Variants in EPHA7 observed in about 807,000 individuals in gnomAD.
EPHA7 encodes EPH receptor A7.
In EPHA7, 25 loss-of-function variants were observed where a neutral mutation model predicts 112.6. That is an observed-to-expected ratio of 0.22 (90% confidence interval 0.16 to 0.31). The LOEUF is 0.31. Ranked by LOEUF, EPHA7 falls within the 10% of genes least tolerant of loss-of-function variation. The probability of loss-of-function intolerance (pLI) is 1.00; values close to 1 mark genes in which losing one functional copy is unlikely to be tolerated. For synonymous variants in EPHA7, 437 were observed against 406.5 expected (o/e 1.07, Z -0.90); for missense variants, 962 against 1,212.6 (o/e 0.79, Z 3.07).
chr6:93,378,320 T>G (rs1777162127), intron 3 of EPHA7, among the ~76,000 whole-genome samples: 1 of 152,026 alleles, frequency 6.6e-6, no homozygotes, highest in African/African-American at 2.4e-5. Flanking sequence ...GAAGGGATTT[T>G]AAAAGATAGT....
intron 3 of EPHA7, among the ~76,000 whole-genome samples, chr6:93,374,903 T>C (rs961184058): frequency 6.6e-6 from 1 of 152,190 alleles, no homozygotes; most frequent in Non-Finnish European, 1.5e-5. Flanking sequence ...ATAATTATTA[T>C]AACATAGTGA....
chr6:93,366,337 T>A (rs183416911), intron 3 of EPHA7, among the ~76,000 whole-genome samples: 1 of 152,316 alleles, frequency 6.6e-6, no homozygotes, highest in Admixed American at 6.5e-5. Flanking sequence ...CACATTAGGC[T>A]TCTACTTCCT....
At chr6:93,334,062 G>A (rs1194805726) in intron 5 of EPHA7, among the ~76,000 whole-genome samples, 1 of 151,756 alleles carries the variant, frequency 6.6e-6, no homozygotes, top group Non-Finnish European at 1.5e-5. Flanking sequence ...CATGGTATTG[G>A]TACAAAACTA....
intron 3 of EPHA7, among the ~76,000 whole-genome samples, chr6:93,362,719 A>G (rs537244263): frequency 1.3e-5 from 2 of 152,142 alleles, no homozygotes; most frequent in Non-Finnish European, 2.9e-5. Flanking sequence ...CTGTAAATGA[A>G]CAATCCTAAA....
At chr6:93,255,209 G>A (rs997375500) in intron 13 of EPHA7, among the ~76,000 whole-genome samples, 9 of 151,872 alleles carry the variant, frequency 5.9e-5, no homozygotes, top group African/African-American at 1.9e-4. Flanking sequence ...TTATCCGTGC[G>A]TGGTGGTGGG....
intron 5 of EPHA7, among the ~76,000 whole-genome samples, chr6:93,321,348 T>C (rs1381007813): frequency 2.6e-5 from 4 of 151,866 alleles, no homozygotes; most frequent in African/African-American, 7.2e-5. Context: ...TGATTATGTA[T>C]ATATCAATCA....
intron 5 of EPHA7, among the ~76,000 whole-genome samples, chr6:93,326,885 A>G (rs1774349391): frequency 6.6e-6 from 1 of 151,590 alleles, no homozygotes. Flanking sequence ...TAAAGCTGCA[A>G]ATTTTTATTG....
chr6:93,409,341 A>G (rs1431982179), intron 3 of EPHA7, among the ~76,000 whole-genome samples: 2 of 152,078 alleles, frequency 1.3e-5, no homozygotes, highest in Non-Finnish European at 1.5e-5. Context: ...TCAGACAAAT[A>G]TTACTAACGT....
intron 5 of EPHA7, among the ~76,000 whole-genome samples, chr6:93,324,886 T>C (rs1313992581): frequency 6.6e-6 from 1 of 151,458 alleles, no homozygotes; most frequent in Non-Finnish European, 1.5e-5. Flanking sequence ...CAAAAGAGGT[T>C]CATATTGTAG....
At chr6:93,254,611 T>C in intron 14 of EPHA7, 36 bp downstream of exon 14, 3 of 1,588,902 alleles carry the variant, frequency 1.9e-6, no homozygotes, top group Non-Finnish European at 1.7e-6. Flanking sequence ...CATTAATGTA[T>C]TCAATCCTTT....
At chr6:93,386,015 G>A (rs1324052565) in intron 3 of EPHA7, among the ~76,000 whole-genome samples, 5 of 152,024 alleles carry the variant, frequency 3.3e-5, no homozygotes. Flanking sequence ...CAGCAGAGGG[G>A]GACTGCTCCC....
intron 5 of EPHA7, among the ~76,000 whole-genome samples, chr6:93,315,016 C>T (rs1346748288): frequency 6.7e-6 from 1 of 149,504 alleles, no homozygotes; most frequent in Non-Finnish European, 1.5e-5. Context: ...GCGCCCGCCA[C>T]CACGCCCGGC....
chr6:93,416,505 T>C (rs1339813661), intron 1 of EPHA7, among the ~76,000 whole-genome samples: 2 of 152,100 alleles, frequency 1.3e-5, no homozygotes, highest in African/African-American at 2.4e-5. Flanking sequence ...ACAGCAGTGA[T>C]GGCCAAGTTA....
intron 3 of EPHA7, among the ~76,000 whole-genome samples, chr6:93,361,538 C>G (rs1438064273): frequency 6.6e-6 from 1 of 152,006 alleles, no homozygotes; most frequent in Non-Finnish European, 1.5e-5. Context: ...AGTGGCATAT[C>G]TGAGAGATAC....
chr6:93,286,492 G>A (rs779231962), intron 5 of EPHA7, among the ~76,000 whole-genome samples: 5 of 152,106 alleles, frequency 3.3e-5, no homozygotes, highest in Non-Finnish European at 7.4e-5. Flanking sequence ...GAAGATATTA[G>A]GGAGAAAACT....
intron 5 of EPHA7, among the ~76,000 whole-genome samples, chr6:93,291,706 G>A (rs113546581): frequency 7.2e-6 from 1 of 138,386 alleles, no homozygotes; most frequent in Non-Finnish European, 1.5e-5. Context: ...AGGCGGAGCT[G>A]GCAGTGAGCC....
intron 1 of EPHA7, among the ~76,000 whole-genome samples, chr6:93,416,530 T>A (rs1365760970): frequency 1.3e-5 from 2 of 152,086 alleles, no homozygotes; most frequent in Non-Finnish European, 2.9e-5. Flanking sequence ...AGAAACAAAC[T>A]AACAAATTAA....
At chr6:93,337,063 A>C (rs1309538888) in intron 5 of EPHA7, among the ~76,000 whole-genome samples, 1 of 152,162 alleles carries the variant, frequency 6.6e-6, no homozygotes, top group Non-Finnish European at 1.5e-5. Context: ...GGCTGAATGC[A>C]CAGTCAGTAC....
chr6:93,395,850 T>C (rs1778144430), intron 3 of EPHA7, among the ~76,000 whole-genome samples: 1 of 151,854 alleles, frequency 6.6e-6, no homozygotes, highest in East Asian at 1.9e-4. Flanking sequence ...CCTCTGAAAG[T>C]GTCATAGTTT....
Sources: gnomAD v4.1 joint callset for allele counts (sites outside exome capture counted in the v4.1 genomes callset) on GRCh38, gnomAD v4.1.1 for gene constraint, MANE v1.5 for transcripts, NCBI Gene and HGNC (gene_info 2026-07-23, HGNC 2026-07-21) for gene names.